ST3GAL1: variants seen among roughly 807,000 people sequenced by gnomAD.
The protein encoded by ST3GAL1 is CMP-N-acetylneuraminate-beta-galactosamide-alpha-2,3-sialyltransferase 1.
A neutral mutation model predicts 34.1 loss-of-function variants in ST3GAL1; 16 were observed. The ratio of observed to expected loss-of-function variants is 0.47; its 90% confidence interval spans 0.32 to 0.71. The LOEUF (loss-of-function observed/expected upper bound fraction) is 0.71. Among genes scored for constraint, ST3GAL1 ranks in the 30% least tolerant of loss-of-function variants. ST3GAL1 has a pLI of 0.04. For synonymous variants in ST3GAL1, 191 were observed against 184.7 expected, an observed-to-expected ratio of 1.03 and a Z score of -0.28; for missense variants, 353 against 447.4, an observed-to-expected ratio of 0.79 and a Z score of 1.90.
intron 2 of ST3GAL1, among the ~76,000 whole-genome samples, chr8:133,502,814 C>T (rs1314022488): frequency 6.6e-6 from 1 of 152,180 alleles, no homozygotes; most frequent in African/African-American, 2.4e-5. Flanking sequence ...CCAGTGTGGC[C>T]AACTGCATTA....
chr8:133,503,252 G>A (rs1033542147), intron 2 of ST3GAL1, among the ~76,000 whole-genome samples: 5 of 152,060 alleles, frequency 3.3e-5, no homozygotes, highest in African/African-American at 9.7e-5. Flanking sequence ...CCCAACAAAC[G>A]TTTGATTTGT....
chr8:133,467,770 C>A lies in ST3GAL1; in HGVS notation c.307-1680G>T, dbSNP rs896766508. 2.6e-5 allele frequency among the ~76,000 whole-genome samples: 4 copies of A among 152,106 alleles called. No individual in the cohort carries two copies. Among genetic ancestry groups the A allele is most frequent in the African/African-American group, 9.7e-5 (4 of 41,408 alleles). The stretch of plus-strand genomic sequence containing the variant: ...GACCTGGGCATATGTAGGGAGATCC[C>A]GGGGCACCCAGTCCCCACTGCAATG... On this transcript the variant is annotated intron_variant, in intron 5 of 9. Coordinates refer to ENST00000522652, the MANE Select transcript of ST3GAL1 (RefSeq NM_173344.3). The surrounding 1 kb of genome is among the most constrained non-coding windows in gnomAD (Gnocchi z 4.2).
chr8:133,537,259 C>A (rs188503430), intron 2 of ST3GAL1, among the ~76,000 whole-genome samples: 3 of 152,030 alleles, frequency 2.0e-5, no homozygotes, highest in Admixed American at 2.0e-4. Context: ...CCTCCAGGAA[C>A]CTCCAGTGCT....
At position 133,456,831 on chromosome 8, in the gene ST3GAL1, A is replaced by G. The variant is rs1815318367; in HGVS notation, c.*2933T>C. 1 of 152,208 alleles carries G rather than the reference A, an allele frequency of 6.6e-6. No homozygotes were observed. The allele number at this position is 152,208 out of a possible 1,614,324, so 9.4% of individuals were successfully genotyped here. ...CCTCCATTCTGGTTACACTTTTTCC[A>G]GATGCTGAATGGAGACTCGCTGGGA... On this transcript the variant is annotated 3_prime_UTR_variant, in exon 10 of 10. Coordinates refer to ENST00000522652, the MANE Select transcript of ST3GAL1 (RefSeq NM_173344.3).
chr8:133,502,758 T>C (rs541547654), intron 2 of ST3GAL1, among the ~76,000 whole-genome samples: 15 of 152,242 alleles, frequency 9.9e-5, no homozygotes, highest in Non-Finnish European at 1.8e-4. Context: ...CTACAACTAT[T>C]AAGTGACAGA....
intron 1 of ST3GAL1, among the ~76,000 whole-genome samples, chr8:133,551,570 GAAA>G (rs1563739043): frequency 2.1e-5 from 3 of 146,154 alleles, no homozygotes. Flanking sequence ...AAGAAAGAAA[GAAA>G]GAAAGAAAGA....
rs1563734549 is a variant in ST3GAL1, at chr8:133,541,088, T to C, written c.-429+4686A>G. On this transcript the variant is annotated intron_variant, in intron 2 of 9. Coordinates refer to ENST00000522652, the MANE Select transcript of ST3GAL1 (RefSeq NM_173344.3). ...ATATAGACATATATATAGACATATA[T>C]ATATAAACATATATATATATATATA... Among the ~76,000 whole-genome samples, 117 of 93,200 alleles carry C rather than the reference T, an allele frequency of 1.3e-3. 9 individuals are homozygous for C. The highest frequency in any genetic ancestry group is 1.6e-3 in the Non-Finnish European group (80 of 48,992). 61.1% of individuals were successfully genotyped at this position (93,200 alleles called of 152,430 possible).
chr8:133,491,389 T>A (rs544078609), intron 3 of ST3GAL1, among the ~76,000 whole-genome samples: 1 of 151,820 alleles, frequency 6.6e-6, no homozygotes, highest in African/African-American at 2.4e-5. Flanking sequence ...CCCATTTGGG[T>A]GGTGCTGGAG....
At chr8:133,482,604 CACAG>C (rs776083722) in intron 3 of ST3GAL1, among the ~76,000 whole-genome samples, 1 of 152,256 alleles carries the variant, frequency 6.6e-6, no homozygotes, top group Non-Finnish European at 1.5e-5. Flanking sequence ...GCCAGCTCTG[CACAG>C]ACAGTGAGAT....
At chr8:133,468,911 C>A (rs543507496) in intron 5 of ST3GAL1, among the ~76,000 whole-genome samples, 7 of 152,294 alleles carry the variant, frequency 4.6e-5, no homozygotes, top group Admixed American at 1.3e-4. Context: ...CCATGGAGGT[C>A]TCCAACTAGC....
At chr8:133,546,146 G>T (rs75581220) in intron 1 of ST3GAL1, among the ~76,000 whole-genome samples, 1 of 152,092 alleles carries the variant, frequency 6.6e-6, no homozygotes, top group Non-Finnish European at 1.5e-5. Context: ...ACTCCTCTCC[G>T]CAGGGAGTTC....
At chr8:133,483,341 TAAAC>T (rs558985443) in intron 3 of ST3GAL1, among the ~76,000 whole-genome samples, 5 of 151,984 alleles carry the variant, frequency 3.3e-5, no homozygotes, top group East Asian at 1.9e-4. Flanking sequence ...GACTCCATCT[TAAAC>T]AAACAAACAA....
intron 1 of ST3GAL1, among the ~76,000 whole-genome samples, chr8:133,549,546 A>G (rs569616043): frequency 2.0e-4 from 31 of 152,256 alleles, no homozygotes; most frequent in Non-Finnish European, 3.5e-4. Flanking sequence ...TTCATGAAGC[A>G]ACGCATAACA....
intron 3 of ST3GAL1, among the ~76,000 whole-genome samples, chr8:133,495,516 C>T (rs945655082): frequency 1.3e-5 from 2 of 152,212 alleles, no homozygotes; most frequent in Non-Finnish European, 2.9e-5. Flanking sequence ...ATGTGCAATG[C>T]TAATGCATTG....
At chr8:133,497,699 C>T (rs112144437) in intron 3 of ST3GAL1, among the ~76,000 whole-genome samples, 3,942 of 151,942 alleles carry the variant, frequency 0.026, 90 homozygotes, top group African/African-American at 0.066. Context: ...TCTTGAACTC[C>T]GGACCTCAGG....
intron 2 of ST3GAL1, among the ~76,000 whole-genome samples, chr8:133,521,439 C>T (rs946719982): frequency 2.6e-5 from 4 of 152,192 alleles, no homozygotes; most frequent in African/African-American, 4.8e-5. Context: ...GCTGGGATTA[C>T]AGGCGCCTGC....
At position 133,464,779 on chromosome 8, in the gene ST3GAL1, G is replaced by A; in HGVS notation, c.682C>T (p.His228Tyr). The A allele has an allele frequency of 6.2e-7, 1 of 1,611,502 alleles. No individual in the cohort carries two copies. The highest frequency in any genetic ancestry group is 8.5e-7 in the Non-Finnish European group (1 of 1,178,264). Reference sequence around the variant, plus strand: ...GGCGGGGCCACAGGAGGGACTCACTGGGAAATGGTGCCCGTGGTGATGGCG... The same window carrying A: ...GGCGGGGCCACAGGAGGGACTCACTAGGAAATGGTGCCCGTGGTGATGGCG... ...VSAITTGTIS[H>Y]TYIPVPAKIR... Residue 228 changes from histidine to tyrosine, a missense_variant and splice_region_variant, in exon 7 of 10, where the codon CAC becomes TAC. By Grantham distance (83) the His-to-Tyr change is moderately conservative. Coordinates refer to ENST00000522652, the MANE Select transcript of ST3GAL1 (RefSeq NM_173344.3).
intron 2 of ST3GAL1, among the ~76,000 whole-genome samples, chr8:133,538,349 T>A (rs1490894613): frequency 6.6e-6 from 1 of 152,174 alleles, no homozygotes; most frequent in Non-Finnish European, 1.5e-5. Flanking sequence ...ACCCCATCTC[T>A]ACTACAAATA....
rs1018223039 is a variant in ST3GAL1, at chr8:133,461,779, G to A, written c.849+96C>T. On this transcript the variant is annotated intron_variant, in intron 9 of 9. Coordinates refer to ENST00000522652, the MANE Select transcript of ST3GAL1 (RefSeq NM_173344.3). The surrounding 1 kb of genome is among the most constrained non-coding windows in gnomAD (Gnocchi z 4.7). Reference sequence around the variant, plus strand: ...GAATCCGAGCTTCCGGAAGAGGCAGGCTAGGTCTACCTGCCCTCCCCCTCC... The same window carrying A: ...GAATCCGAGCTTCCGGAAGAGGCAGACTAGGTCTACCTGCCCTCCCCCTCC... 6 of 1,552,486 alleles carry A rather than the reference G, an allele frequency of 3.9e-6. No individual in the cohort carries two copies. In the African/African-American group the frequency reaches 6.8e-5, roughly 18 times the overall value.
Sources: gnomAD v4.1 joint callset for allele counts (sites outside exome capture counted in the v4.1 genomes callset) on GRCh38, gnomAD v4.1.1 for gene constraint, Gnocchi (gnomAD v3.1) non-coding constraint, MANE v1.5 for transcripts, NCBI Gene and HGNC (gene_info 2026-07-23, HGNC 2026-07-21) for gene names.